Variants in TAF4 observed in about 807,000 individuals in gnomAD.
TAF4 encodes the protein TATA-box binding protein associated factor 4, also known as transcription initiation factor TFIID subunit 4.
In TAF4, 9 loss-of-function variants were observed where a neutral mutation model predicts 90.3. The observed-to-expected ratio is 0.10, with a 90% CI of 0.06 to 0.17. TAF4 has a LOEUF of 0.17. TAF4 is among the 10% of genes least tolerant of loss of function. TAF4 has a pLI of 1.00. For synonymous variants in TAF4, 818 were observed against 638.9 expected (o/e 1.28, Z -4.23); for missense variants, 1,351 against 1,370.7 (o/e 0.99, Z 0.23).
intron 1 of TAF4, among the ~76,000 whole-genome samples, chr20:62,031,008 T>G (rs963510435): frequency 6.6e-6 from 1 of 152,212 alleles, no homozygotes; most frequent in African/African-American, 2.4e-5. Flanking sequence ...AAACAGGAAA[T>G]GACTTGCACT....
intron 9 of TAF4, among the ~76,000 whole-genome samples, chr20:62,002,374 G>C (rs780794142): frequency 6.6e-6 from 1 of 152,008 alleles, no homozygotes; most frequent in African/African-American, 2.4e-5. Flanking sequence ...CAACTCCACC[G>C]CCCCTTGATC....
At chr20:62,049,291 G>A (rs1287414278) in intron 1 of TAF4, among the ~76,000 whole-genome samples, 3 of 152,150 alleles carry the variant, frequency 2.0e-5, no homozygotes, top group Non-Finnish European at 4.4e-5. Context: ...ACCTGTCCAG[G>A]AAGTGGATCC....
intron 7 of TAF4, chr20:62,005,331 G>A (rs2055737813): frequency 6.6e-6 from 1 of 152,274 alleles, no homozygotes; most frequent in South Asian, 2.1e-4. Context: ...AGACTCACAC[G>A]TGGTCAGGAG....
chr20:61,980,273 C>T (rs1218934681), intron 14 of TAF4: 1 of 152,280 alleles, frequency 6.6e-6, no homozygotes, highest in African/African-American at 2.4e-5. Context: ...CGCGGAACCG[C>T]CCGGTGCAGG....
chr20:62,007,371 GA>G (rs573914798), intron 6 of TAF4, among the ~76,000 whole-genome samples, 175 bp downstream of exon 6: 23 of 152,096 alleles, frequency 1.5e-4, no homozygotes, highest in Admixed American at 3.3e-4. Flanking sequence ...CTGCTTTACA[GA>G]AAAAAAACTA....
At chr20:62,053,019 C>A (rs372184402) in intron 1 of TAF4, among the ~76,000 whole-genome samples, 34 of 152,260 alleles carry the variant, frequency 2.2e-4, no homozygotes, top group East Asian at 1.7e-3. Flanking sequence ...AACCATGTGA[C>A]CCAAGGCAGG....
In TAF4 at chr20:62,022,730, G is replaced by A. The variant is rs144259913; in HGVS notation, c.1361-8023C>T. 1.6e-3 allele frequency among the ~76,000 whole-genome samples: 243 copies of A among 152,296 alleles called. 8 individuals are homozygous for A. The East Asian group carries it at 0.036, about 23-fold the overall frequency. On this transcript the variant is annotated intron_variant, in intron 1 of 14. Coordinates refer to ENST00000252996, the MANE Select transcript of TAF4 (RefSeq NM_003185.4). ...GTTCTCTCCCACCTCTCGGGGTTTG[G>A]CAGGCATAAGGGACGGCGCAAAGCA...
At chr20:62,053,236 G>A (rs546771277) in intron 1 of TAF4, among the ~76,000 whole-genome samples, 1 of 152,324 alleles carries the variant, frequency 6.6e-6, no homozygotes, top group African/African-American at 2.4e-5. Context: ...AACTCTCAGA[G>A]CTCTGCGTCT....
chr20:62,059,181 T>G (rs1444772012), intron 1 of TAF4, among the ~76,000 whole-genome samples: 1 of 152,242 alleles, frequency 6.6e-6, no homozygotes, highest in African/African-American at 2.4e-5. Flanking sequence ...CACTGCAGCA[T>G]GGCCTGCTCC....
intron 1 of TAF4, among the ~76,000 whole-genome samples, chr20:62,027,895 C>T (rs1306358471): frequency 1.3e-5 from 2 of 152,246 alleles, no homozygotes; most frequent in Non-Finnish European, 2.9e-5. Context: ...CCCCTTGACC[C>T]CTCTCAGTTC....
At chr20:62,029,340 T>C (rs771319987) in intron 1 of TAF4, among the ~76,000 whole-genome samples, 2 of 152,140 alleles carry the variant, frequency 1.3e-5, no homozygotes, top group African/African-American at 4.8e-5. Context: ...TGCAACTCTG[T>C]GTGATAATCT....
intron 1 of TAF4, among the ~76,000 whole-genome samples, chr20:62,047,709 C>T (rs1905252634): frequency 6.6e-6 from 1 of 152,238 alleles, no homozygotes; most frequent in Non-Finnish European, 1.5e-5. Context: ...GCGCAGAGCG[C>T]ACCGTCAAGC....
intron 1 of TAF4, among the ~76,000 whole-genome samples, chr20:62,039,943 C>T (rs540888938): frequency 6.6e-6 from 1 of 152,242 alleles, no homozygotes; most frequent in South Asian, 2.1e-4. Context: ...AAAGCCACAA[C>T]ATAATGGCAC....
chr20:62,052,528 C>T (rs941563821), intron 1 of TAF4, among the ~76,000 whole-genome samples: 3 of 151,840 alleles, frequency 2.0e-5, no homozygotes, highest in African/African-American at 7.3e-5. Context: ...AGCCCCAGCC[C>T]GTGTGTGCCC....
chr20:62,063,416 AGCTCCCCTGCCCAG>A (rs1375675894), intron 1 of TAF4, among the ~76,000 whole-genome samples: 1 of 151,856 alleles, frequency 6.6e-6, no homozygotes, highest in Admixed American at 6.6e-5. Flanking sequence ...GCCGGGGAGG[AGCTCCCCTGCCCAG>A]CACCCACCAC....
At chr20:62,022,742 G>A (rs1477656190) in intron 1 of TAF4, among the ~76,000 whole-genome samples, 1 of 152,222 alleles carries the variant, frequency 6.6e-6, no homozygotes, top group Non-Finnish European at 1.5e-5. Context: ...AGGCATAAGG[G>A]ACGGCGCAAA....
In TAF4 at chr20:61,975,235, T is replaced by C. The variant is rs1364988602; in HGVS notation, c.*933A>G. On this transcript the variant is annotated 3_prime_UTR_variant, in exon 15 of 15. Transcript: ENST00000252996. ...GGCCCAAGGCTTGCATACAGTCTCT[T>C]AGCAAAATAATTATAGTTTACATAG... 1 of 152,486 alleles carries C rather than the reference T, an allele frequency of 6.6e-6. No homozygotes were observed. The highest frequency in any genetic ancestry group is 2.4e-5 in the African/African-American group (1 of 41,458). The allele number at this position is 152,486 out of a possible 1,614,324, so 9.4% of individuals were successfully genotyped here. A position where few individuals can be genotyped will look rare whatever the true frequency, so the allele number is the denominator to read the frequency against.
Position 61,974,959 on chromosome 20 carries a change from G to C in TAF4, c.*1209C>G, listed in dbSNP as rs2055483805. 1 of 152,320 alleles carries C rather than the reference G, an allele frequency of 6.6e-6. No homozygotes were observed. The highest frequency in any genetic ancestry group is 6.5e-5 in the Admixed American group (1 of 15,270). The allele number at this position is 152,320 out of a possible 1,614,324, so 9.4% of individuals were successfully genotyped here. A position where few individuals can be genotyped will look rare whatever the true frequency, so the allele number is the denominator to read the frequency against. On this transcript the variant is annotated 3_prime_UTR_variant, in exon 15 of 15. Coordinates refer to ENST00000252996, the MANE Select transcript of TAF4 (RefSeq NM_003185.4). The surrounding 1 kb of genome is among the most constrained non-coding windows in gnomAD (Gnocchi z 4.1). The stretch of plus-strand genomic sequence containing the variant: ...ATGGAAAGACAGGGATTTCCTAAAA[G>C]ACAAAATAAAAGGTGTAACAGTTCT...
Position 62,065,193 on chromosome 20 carries a change from G to T in TAF4, c.618C>A (p.Asn206Lys). ...CAGCAGGTGCGGCGGCGTGGTGCGA[G>T]TTCAGCAGCGCGGCGCTCCCATTCA... Reference protein sequence around the residue: ...QTLNGSAALLNSHHAAAPAVS... With the variant: ...QTLNGSAALLKSHHAAAPAVS... Residue 206 changes from asparagine (N) to lysine (K), a missense_variant, in exon 1 of 15, where the codon AAC becomes AAA. Physicochemically the swap from Asn to Lys is moderately conservative, Grantham distance 94 (BLOSUM62 0). Around this residue, in one of 9 missense-constraint regions of TAF4, gnomAD observed 782 missense variants for 536.6 expected, o/e 1.46. Transcript: ENST00000252996. The T allele has an allele frequency of 1.7e-6, 2 of 1,201,674 alleles. No homozygotes were observed. Among genetic ancestry groups the T allele is most frequent in the African/African-American group, 3.3e-5 (2 of 59,936 alleles). The allele number at this position is 1,201,674 out of a possible 1,614,324, so 74.4% of individuals were successfully genotyped here. A position where few individuals can be genotyped will look rare whatever the true frequency, so the allele number is the denominator to read the frequency against.
Sources: allele counts gnomAD v4.1 joint callset (sites outside exome capture counted in the v4.1 genomes callset), GRCh38; gene constraint gnomAD v4.1.1; regional missense constraint gnomAD v4.1.1; non-coding constraint Gnocchi (gnomAD v3.1); transcripts MANE v1.5; gene names NCBI Gene and HGNC (gene_info 2026-07-23, HGNC 2026-07-21).